Variants in DGKI observed in about 807,000 individuals in gnomAD.
DGKI encodes DAG kinase iota.
Under a neutral mutation model 147.5 loss-of-function variants are expected in DGKI, and 55 were observed. The observed-to-expected ratio is 0.37, with a 90% CI of 0.30 to 0.47. The LOEUF is 0.47. Among genes scored for constraint, DGKI ranks in the 20% least tolerant of loss-of-function variants. DGKI has a pLI of 1.00. For synonymous variants in DGKI, 469 were observed against 477.1 expected (o/e 0.98, Z 0.22); for missense variants, 1,007 against 1,323.8 (o/e 0.76, Z 3.71).
At chr7:137,440,922 C>T (rs1337012493) in intron 28 of DGKI, among the ~76,000 whole-genome samples, 1 of 152,116 alleles carries the variant, frequency 6.6e-6, no homozygotes, top group Non-Finnish European at 1.5e-5. Context: ...GTGTATTAAA[C>T]ATTTTACTCC....
chr7:137,449,545 C>T (rs1046326560), intron 27 of DGKI, among the ~76,000 whole-genome samples: 4 of 152,076 alleles, frequency 2.6e-5, no homozygotes, highest in African/African-American at 9.7e-5. Context: ...TAGAAGAAAA[C>T]AGAAAAGCTC....
chr7:137,537,644 C>G (rs1184400835), intron 20 of DGKI, among the ~76,000 whole-genome samples: 4 of 152,118 alleles, frequency 2.6e-5, no homozygotes, highest in Non-Finnish European at 5.9e-5. Flanking sequence ...ATCCACGAAT[C>G]AGAATCTGGA....
intron 1 of DGKI, among the ~76,000 whole-genome samples, chr7:137,766,284 C>A (rs568675352): frequency 1.3e-5 from 2 of 152,314 alleles, no homozygotes; most frequent in South Asian, 4.1e-4. Context: ...CAATGGTGAT[C>A]TAATCGGACT....
At chr7:137,635,430 A>G (rs1313020752) in intron 6 of DGKI, among the ~76,000 whole-genome samples, 3 of 152,336 alleles carry the variant, frequency 2.0e-5, no homozygotes, top group Admixed American at 6.5e-5. Flanking sequence ...ACTGGAATCA[A>G]TGCATATTCA....
rs1817279714 is a variant in DGKI at position 137,529,832 on chromosome 7, C to G, written c.2148-7866G>C. ...TGGCACGATCTCGGCTCTCTGCAAC[C>G]TCTGCCTCCTGGGTTCAAGCAATTG... On this transcript the variant is annotated intron_variant, in intron 20 of 32. Transcript: ENST00000614521. 2.0e-5 allele frequency among the ~76,000 whole-genome samples: 3 copies of G among 152,302 alleles called. No individual in the cohort carries two copies. In the East Asian group the frequency reaches 5.8e-4, roughly 29 times the overall value.
In DGKI at chr7:137,698,089, TAGAG is replaced by T. The variant is rs201529648; in HGVS notation, c.402-8091_402-8088del. ...ATATATCTCCAGACAGATATCTATATAGAGAGATATATATAACTCCAGATATATA... is the reference window on the plus strand; with the variant it reads ...ATATATCTCCAGACAGATATCTATATAGATATATATAACTCCAGATATATA... On this transcript the variant is annotated intron_variant, in intron 1 of 32. Coordinates refer to ENST00000614521, the MANE Select transcript of DGKI (RefSeq NM_001321708.2). Among the ~76,000 whole-genome samples, 23 of 150,804 alleles carry T rather than the reference TAGAG, an allele frequency of 1.5e-4. No individual in the cohort carries two copies. In the East Asian group the frequency reaches 3.7e-3, roughly 24 times the overall value.
chr7:137,381,455 A>C lies in DGKI; in HGVS notation c.*9765T>G, dbSNP rs1240358058. The C allele has an allele frequency of 1.3e-5, 2 of 151,666 alleles. No homozygotes were observed. The highest frequency in any genetic ancestry group is 2.9e-5 in the Non-Finnish European group (2 of 67,924). 9.4% of individuals were successfully genotyped at this position (151,666 alleles called of 1,614,324 possible). ...ATGGCTCTGGGATGTGATAGGGCAG[A>C]ATCAGAAATCATGAAAAAGCCCTTT... On this transcript the variant is annotated 3_prime_UTR_variant, in exon 33 of 33. Coordinates refer to ENST00000614521, the MANE Select transcript of DGKI (RefSeq NM_001321708.2).
intron 12 of DGKI, among the ~76,000 whole-genome samples, chr7:137,593,420 T>C (rs769293766): frequency 3.7e-4 from 56 of 152,220 alleles, no homozygotes; most frequent in Admixed American, 2.7e-3. Flanking sequence ...CTATTTCTCA[T>C]TTATAAACAT....
intron 19 of DGKI, among the ~76,000 whole-genome samples, chr7:137,553,347 C>A (rs1447089139): frequency 6.6e-6 from 1 of 152,176 alleles, no homozygotes; most frequent in African/African-American, 2.4e-5. Context: ...CTTCCACAAG[C>A]TATCTCTAAC....
intron 28 of DGKI, among the ~76,000 whole-genome samples, chr7:137,420,834 C>T (rs757730942): frequency 3.3e-5 from 5 of 152,100 alleles, no homozygotes; most frequent in East Asian, 1.9e-4. Context: ...GCCTGGCCAA[C>T]GTGGTACAAA....
chr7:137,412,229 T>C (rs1343972759), intron 28 of DGKI, 22 bp from the exon 29 acceptor site: 2 of 1,609,696 alleles, frequency 1.2e-6, no homozygotes, highest in African/African-American at 1.3e-5. Flanking sequence ...AAAAGAGAGA[T>C]GTCCCATTAG....
intron 1 of DGKI, among the ~76,000 whole-genome samples, chr7:137,817,542 A>C (rs1311377007): frequency 6.6e-6 from 1 of 152,238 alleles, no homozygotes; most frequent in African/African-American, 2.4e-5. Flanking sequence ...GTATAGAACA[A>C]GTAAAGACTG....
chr7:137,556,451 C>T (rs1728491), intron 19 of DGKI, among the ~76,000 whole-genome samples: 16,636 of 152,074 alleles, frequency 0.11, 2,057 homozygotes, highest in African/African-American at 0.3. Flanking sequence ...TATCATCCCA[C>T]ACACAAAAAT....
intron 1 of DGKI, among the ~76,000 whole-genome samples, chr7:137,724,491 C>G (rs1169950375): frequency 6.6e-6 from 1 of 152,146 alleles, no homozygotes; most frequent in Middle Eastern, 3.2e-3. Context: ...GGAGTGGTAA[C>G]TGTGCTGGTG....
rs1222093392 is a variant in DGKI at position 137,678,652 on chromosome 7, C to G, written c.511G>C (p.Glu171Gln). 6.2e-7 allele frequency: 1 copy of G among 1,613,986 alleles called. No individual in the cohort carries two copies. Among genetic ancestry groups the G allele is most frequent in the Non-Finnish European group, 8.5e-7 (1 of 1,179,940 alleles). Residue 171 changes from glutamate (E) to glutamine (Q), a missense_variant and splice_region_variant, in exon 3 of 33, where the codon GAG (glutamate) becomes CAG (glutamine). Around this residue, in one of 5 missense-constraint regions of DGKI, gnomAD observed 259 missense variants for 362.5 expected, o/e 0.71. Transcript: ENST00000614521. ...KEPRATLDWSENAVNGEHLWL... is the reference protein window; with the variant it reads ...KEPRATLDWSQNAVNGEHLWL... Reference sequence around the variant, plus strand: ...AGGTGTTCTCCATTCACGGCATTCTCCTGCAAGGAAAAGACCCACCTGACA... The same window carrying G: ...AGGTGTTCTCCATTCACGGCATTCTGCTGCAAGGAAAAGACCCACCTGACA...
chr7:137,694,338 T>G (rs893534668), intron 1 of DGKI, among the ~76,000 whole-genome samples: 1 of 150,758 alleles, frequency 6.6e-6, no homozygotes, highest in East Asian at 1.9e-4. Context: ...AAAAAAAAAA[T>G]TTATGGAAAA....
chr7:137,499,868 T>C (rs975709454), intron 21 of DGKI, among the ~76,000 whole-genome samples: 2 of 152,166 alleles, frequency 1.3e-5, no homozygotes, highest in African/African-American at 4.8e-5. Flanking sequence ...TTGGTTCTAT[T>C]TCTCTAGAGA....
chr7:137,547,918 C>T (rs1817917231), intron 20 of DGKI, among the ~76,000 whole-genome samples: 1 of 152,188 alleles, frequency 6.6e-6, no homozygotes, highest in South Asian at 2.1e-4. Flanking sequence ...GTGCAGAGGG[C>T]ACTGCAAGAA....
At position 137,683,937 on chromosome 7, in the gene DGKI, CA is replaced by C. The variant is rs1290793534; in HGVS notation, c.511-5286del. ...CCGAAATTCTAGTAATGGTTACAGG[CA>C]AAAAGACAAAGGTGAGGTGAGTGTT... On this transcript the variant is annotated intron_variant, in intron 2 of 32. Coordinates refer to ENST00000614521, the MANE Select transcript of DGKI (RefSeq NM_001321708.2). Among the ~76,000 whole-genome samples, 4 of 152,080 alleles carry C rather than the reference CA, an allele frequency of 2.6e-5. No homozygotes were observed. The East Asian group carries it at 7.7e-4, about 29-fold the overall frequency.
Sources: allele counts gnomAD v4.1 joint callset (sites outside exome capture counted in the v4.1 genomes callset), GRCh38; gene constraint gnomAD v4.1.1; regional missense constraint gnomAD v4.1.1; transcripts MANE v1.5; gene names NCBI Gene and HGNC (gene_info 2026-07-23, HGNC 2026-07-21).